The following PDZRN3 variants were observed in gnomAD, a reference collection of about 807,000 sequenced individuals.
PDZRN3 encodes the protein E3 ubiquitin-protein ligase PDZRN3.
A neutral mutation model predicts 85.7 loss-of-function variants in PDZRN3; 38 were observed. The ratio of observed to expected loss-of-function variants is 0.44; its 90% CI spans 0.34 to 0.58. The LOEUF (loss-of-function observed/expected upper bound fraction) is 0.58. Among genes scored for constraint, PDZRN3 ranks in the 20% least tolerant of loss-of-function variants. The pLI is 0.01. For synonymous variants in PDZRN3, 759 were observed against 638.0 expected (o/e 1.19, Z -2.86); for missense variants, 1,629 against 1,506.4 (o/e 1.08, Z -1.35).
intron 3 of PDZRN3, among the ~76,000 whole-genome samples, chr3:73,491,532 T>G (rs1439893660): frequency 6.6e-6 from 1 of 151,110 alleles, no homozygotes; most frequent in Admixed American, 6.6e-5. Flanking sequence ...CCTTGTTAAT[T>G]CAAGTAGACA....
chr3:73,388,930 CAAAAAAAAAAAAAAA>C (rs10675308), intron 7 of PDZRN3, among the ~76,000 whole-genome samples: 8 of 67,670 alleles, frequency 1.2e-4, no homozygotes, highest in African/African-American at 2.1e-4. Context: ...CTCCAGCAAT[CAAAAAAAAAAAAAAA>C]AAAAAAAAAA....
At position 73,383,859 on chromosome 3, in the gene PDZRN3, C is replaced by T. The variant is rs1436841709; in HGVS notation, c.2707G>A (p.Val903Met). 1.9e-6 allele frequency: 3 copies of T among 1,613,900 alleles called. No homozygotes were observed. In the Admixed American group the frequency reaches 5.0e-5, roughly 27 times the overall value. The change falls in exon 10 of 10, where the codon GTG becomes ATG. Residue 903 changes from valine (V) to methionine (M), a missense_variant. Physicochemically the swap from Val to Met is conservative, Grantham distance 21. Coordinates refer to ENST00000263666, the MANE Select transcript of PDZRN3 (RefSeq NM_015009.3). ...VEYAQSQMSL[V>M]SMCKDLSSPT... is the part of the protein sequence containing the mutation. ...GAGCTCAGGTCCTTGCACATGCTCACCAGGCTCATCTGGCTTTGCGCGTAC... is the reference window on the plus strand; with the variant it reads ...GAGCTCAGGTCCTTGCACATGCTCATCAGGCTCATCTGGCTTTGCGCGTAC...
At chr3:73,471,031 T>C (rs1429368928) in intron 3 of PDZRN3, among the ~76,000 whole-genome samples, 1 of 152,214 alleles carries the variant, frequency 6.6e-6, no homozygotes, top group East Asian at 1.9e-4. Context: ...GCTAGAGTCC[T>C]AACGGCCAGT....
At chr3:73,474,217 G>T (rs1451448199) in intron 3 of PDZRN3, among the ~76,000 whole-genome samples, 2 of 152,138 alleles carry the variant, frequency 1.3e-5, no homozygotes, top group African/African-American at 2.4e-5. Context: ...GTTTTCACCA[G>T]CCTGTCAATC....
chr3:73,415,364 A>G (rs1327502509), intron 3 of PDZRN3, among the ~76,000 whole-genome samples: 1 of 152,228 alleles, frequency 6.6e-6, no homozygotes, highest in African/African-American at 2.4e-5. Context: ...GCAGACTATC[A>G]TGCGTTAAGC....
chr3:73,610,175 G>C (rs983586777), intron 1 of PDZRN3, among the ~76,000 whole-genome samples: 4 of 152,120 alleles, frequency 2.6e-5, no homozygotes, highest in African/African-American at 9.7e-5. Context: ...AAGATACTCT[G>C]TTTCTGATGA....
At chr3:73,596,617 C>G (rs1268042437) in intron 3 of PDZRN3, among the ~76,000 whole-genome samples, 2 of 152,160 alleles carry the variant, frequency 1.3e-5, no homozygotes, top group Non-Finnish European at 2.9e-5. Context: ...TTGCCCAAAA[C>G]GTATGACCTG....
intron 2 of PDZRN3, among the ~76,000 whole-genome samples, chr3:73,607,869 AT>A (rs1026677270): frequency 2.6e-5 from 4 of 152,154 alleles, no homozygotes; most frequent in African/African-American, 4.8e-5. Context: ...TGAATGAAAG[AT>A]TTTTGTTTTC....
Position 73,407,902 on chromosome 3 carries a change from C to T in PDZRN3, c.919-3507G>A, listed in dbSNP as rs80130292. Among the ~76,000 whole-genome samples the T allele has an allele frequency of 5.3e-5, 8 of 152,180 alleles. No individual in the cohort carries two copies. The East Asian group carries it at 1.5e-3, about 29-fold the overall frequency. On this transcript the variant is annotated intron_variant, in intron 3 of 9. Transcript: ENST00000263666. ...CTGTTACACGGCATTGATACAACAG[C>T]ATCCATACTGCCCAGGTTACAGAGG... is the stretch of plus-strand genomic sequence containing the variant.
chr3:73,413,975 G>T (rs770444884), intron 3 of PDZRN3, among the ~76,000 whole-genome samples: 2 of 152,116 alleles, frequency 1.3e-5, no homozygotes, highest in Non-Finnish European at 2.9e-5. Flanking sequence ...CTAACCTACC[G>T]GAAATTGATT....
intron 3 of PDZRN3, among the ~76,000 whole-genome samples, chr3:73,595,800 T>C (rs79025807): frequency 0.015 from 2,229 of 152,278 alleles, 49 homozygotes; most frequent in African/African-American, 0.05. Flanking sequence ...GATATAGGCA[T>C]AGTTTCCAAG....
At chr3:73,584,468 T>G (rs1171551549) in intron 3 of PDZRN3, among the ~76,000 whole-genome samples, 15 of 66,766 alleles carry the variant, frequency 2.2e-4, no homozygotes, top group African/African-American at 5.6e-4. Flanking sequence ...TGTGTGTGTG[T>G]GTGTGTGTGT....
intron 3 of PDZRN3, among the ~76,000 whole-genome samples, chr3:73,546,121 G>A (rs1221234815): frequency 6.6e-6 from 1 of 152,108 alleles, no homozygotes; most frequent in African/African-American, 2.4e-5. Flanking sequence ...CACAGGGTAG[G>A]CACTCAATAT....
intron 2 of PDZRN3, among the ~76,000 whole-genome samples, chr3:73,607,855 T>C (rs1459530996): frequency 6.6e-6 from 1 of 152,240 alleles, no homozygotes; most frequent in Non-Finnish European, 1.5e-5. Flanking sequence ...CAATACTTAT[T>C]TGTTGAATGA....
chr3:73,413,039 A>G (rs1399067679), intron 3 of PDZRN3, among the ~76,000 whole-genome samples: 2 of 152,212 alleles, frequency 1.3e-5, no homozygotes, highest in African/African-American at 4.8e-5. Flanking sequence ...ATTTAAGTAC[A>G]TGCTTCATAG....
chr3:73,483,597 G>T (rs2106640260), intron 3 of PDZRN3, among the ~76,000 whole-genome samples: 1 of 152,326 alleles, frequency 6.6e-6, no homozygotes, highest in Non-Finnish European at 1.5e-5. Flanking sequence ...GGCATATATG[G>T]AAGTGACATA....
rs1204349154 is a variant in PDZRN3, at chr3:73,624,911, C to A, written c.-86G>T. Reference sequence around the variant, plus strand: ...GGCGGCCCAGACAGGCCGGCTACGCCGCCCGCGCGCTCGCTGGCTCTCCCC... The same window carrying A: ...GGCGGCCCAGACAGGCCGGCTACGCAGCCCGCGCGCTCGCTGGCTCTCCCC... On this transcript the variant is annotated 5_prime_UTR_variant, in exon 1 of 10. Transcript: ENST00000263666. 16 of 1,064,884 alleles carry A rather than the reference C, an allele frequency of 1.5e-5. No individual in the cohort carries two copies. The highest frequency in any genetic ancestry group is 1.7e-5 in the Non-Finnish European group (14 of 834,112). 66.0% of individuals were successfully genotyped at this position (1,064,884 alleles called of 1,614,324 possible).
rs535889428 is a variant in PDZRN3 at position 73,563,429 on chromosome 3, A to G, written c.918+38925T>C. ...AGCTAAGCAGACCCGTAGAAGGAAT[A>G]TTCCTCTTATAATCACCTTTACACA... is the stretch of plus-strand genomic sequence containing the variant. On this transcript the variant is annotated intron_variant, in intron 3 of 9. Transcript: ENST00000263666. Among the ~76,000 whole-genome samples the G allele has an allele frequency of 1.0e-3, 143 of 139,050 alleles. 1 individual carries two copies. The highest frequency in any genetic ancestry group is 3.4e-3 in the African/African-American group (134 of 39,660). The allele number at this position is 139,050 out of a possible 152,430, so 91.2% of individuals were successfully genotyped here. A position where few individuals can be genotyped will look rare whatever the true frequency, so the allele number is the denominator to read the frequency against.
intron 3 of PDZRN3, among the ~76,000 whole-genome samples, chr3:73,456,380 A>G (rs549177491): frequency 6.6e-5 from 10 of 152,236 alleles, no homozygotes; most frequent in Non-Finnish European, 1.2e-4. Flanking sequence ...CAAAGTCCCA[A>G]GTGAGCCAAT....
Sources: allele counts gnomAD v4.1 joint callset (sites outside exome capture counted in the v4.1 genomes callset), GRCh38; gene constraint gnomAD v4.1.1; transcripts MANE v1.5; gene names NCBI Gene and HGNC (gene_info 2026-07-23, HGNC 2026-07-21).